The following OTOGL variants were observed in gnomAD, a reference collection of about 807,000 sequenced individuals.
OTOGL encodes the protein otogelin like.
A neutral mutation model predicts 318.5 loss-of-function variants in OTOGL; 285 were observed. The ratio of observed to expected loss-of-function variants is 0.89; its 90% CI spans 0.81 to 0.99. The LOEUF (loss-of-function observed/expected upper bound fraction) is 0.99, where lower values mean the gene tolerates loss of function less well. Among genes scored for constraint, OTOGL ranks in the 50% least tolerant of loss-of-function variants. OTOGL has a pLI of 0.00. For missense variants in OTOGL, 2,899 were observed against 2,845.6 expected (o/e 1.02, Z -0.43); for synonymous variants, 987 against 936.5 (o/e 1.05, Z -0.99).
rs545310835 is a variant in OTOGL, at chr12:80,307,561, G to A, written c.3333+1866G>A. ...CGGGACGGGGCAGCTGGCCGGGTGG[G>A]GGGCTGACCCCCCAACCTCCCTCCT... On this transcript the variant is annotated intron_variant, in intron 29 of 58. Transcript: ENST00000547103. 3.4e-5 allele frequency among the ~76,000 whole-genome samples: 5 copies of A among 146,076 alleles called. No homozygotes were observed. The South Asian group carries it at 1.1e-3, about 32-fold the overall frequency.
At chr12:80,330,428 T>C (rs947541627) in intron 37 of OTOGL, among the ~76,000 whole-genome samples, 1 of 152,206 alleles carries the variant, frequency 6.6e-6, no homozygotes, top group Non-Finnish European at 1.5e-5. Flanking sequence ...TAAAGCATGC[T>C]TTGGGAGAAG....
intron 1 of OTOGL, among the ~76,000 whole-genome samples, chr12:80,136,203 C>G (rs1012145483): frequency 6.6e-6 from 1 of 152,140 alleles, no homozygotes; most frequent in African/African-American, 2.4e-5. Flanking sequence ...TTCTTTCTCT[C>G]TTGGTCCCAC....
intron 46 of OTOGL, among the ~76,000 whole-genome samples, 177 bp downstream of exon 46, chr12:80,353,687 A>G (rs1412147449): frequency 3.3e-5 from 5 of 152,234 alleles, no homozygotes; most frequent in Non-Finnish European, 5.9e-5. Context: ...AATTGTTACA[A>G]AAGCTTCAGT....
rs1382306838 is a variant in OTOGL at position 80,196,853 on chromosome 12, CAA to C, written c.-19-12558_-19-12557del. 3.9e-5 allele frequency among the ~76,000 whole-genome samples: 6 copies of C among 152,246 alleles called. No individual in the cohort carries two copies. In the East Asian group the frequency reaches 9.7e-4, roughly 24 times the overall value. On this transcript the variant is annotated intron_variant, in intron 1 of 58. Transcript: ENST00000547103. ...TTTCCTCCTCTAGGCCAGGGCCTTCCAAATTTAACCTGAGACTGGTTAAGGCC... is the reference window on the plus strand; with the variant it reads ...TTTCCTCCTCTAGGCCAGGGCCTTCCATTTAACCTGAGACTGGTTAAGGCC...
chr12:80,335,142 T>A (rs1888311487), intron 38 of OTOGL, among the ~76,000 whole-genome samples: 1 of 152,142 alleles, frequency 6.6e-6, no homozygotes, highest in South Asian at 2.1e-4. Flanking sequence ...AGTTGTTAAT[T>A]TTTATTCTGA....
chr12:80,358,229 GCTT>G lies in OTOGL; in HGVS notation c.6020-15_6020-13del. On this transcript the variant is annotated splice_polypyrimidine_tract_variant and intron_variant, in intron 49 of 58. Coordinates refer to ENST00000547103, the MANE Select transcript of OTOGL (RefSeq NM_001378609.3). ...GTTTTTAGCTCAGCTGTGATTTTTGGCTTCTTGTTTTACCTTAGTTTGTGAATC... is the reference window on the plus strand; with the variant it reads ...GTTTTTAGCTCAGCTGTGATTTTTGGCTTGTTTTACCTTAGTTTGTGAATC... The G allele has an allele frequency of 1.3e-6, 2 of 1,546,308 alleles. No individual in the cohort carries two copies. Among genetic ancestry groups the G allele is most frequent in the East Asian group, 4.5e-5 (2 of 44,336 alleles).
At chr12:80,221,883 C>T (rs1169693196) in intron 6 of OTOGL, among the ~76,000 whole-genome samples, 2 of 152,110 alleles carry the variant, frequency 1.3e-5, no homozygotes, top group Non-Finnish European at 2.9e-5. Flanking sequence ...ATCTTTTCTT[C>T]ATAACTACTT....
intron 7 of OTOGL, among the ~76,000 whole-genome samples, chr12:80,226,861 A>G (rs1456735720): frequency 6.6e-6 from 1 of 152,182 alleles, no homozygotes; most frequent in African/African-American, 2.4e-5. Flanking sequence ...GAAAGTGTGC[A>G]TGGGAAGAGA....
intron 1 of OTOGL, among the ~76,000 whole-genome samples, chr12:80,193,655 T>C (rs921159165): frequency 1.3e-5 from 2 of 152,162 alleles, no homozygotes; most frequent in African/African-American, 4.8e-5. Flanking sequence ...GATTTAAAAG[T>C]TTTCCAAGTG....
At chr12:80,349,764 T>C (rs944776963) in intron 44 of OTOGL, among the ~76,000 whole-genome samples, 1 of 152,002 alleles carries the variant, frequency 6.6e-6, no homozygotes, top group Admixed American at 6.6e-5. Flanking sequence ...AGTCAAATCT[T>C]AGGGTTTTTT....
At chr12:80,292,451 C>T (rs562679768) in intron 26 of OTOGL, among the ~76,000 whole-genome samples, 3 of 152,328 alleles carry the variant, frequency 2.0e-5, no homozygotes, top group South Asian at 2.1e-4. Context: ...CATCTGCCCT[C>T]CAGTGAGAAT....
At chr12:80,287,113 T>A (rs1884692314) in intron 26 of OTOGL, among the ~76,000 whole-genome samples, 1 of 151,470 alleles carries the variant, frequency 6.6e-6, no homozygotes, top group Admixed American at 6.6e-5. Context: ...TTCTCACTGG[T>A]TTCAAAGAAC....
At chr12:80,294,510 A>C (rs1451090) in intron 26 of OTOGL, among the ~76,000 whole-genome samples, 4 of 152,200 alleles carry the variant, frequency 2.6e-5, no homozygotes, top group Admixed American at 6.5e-5. Flanking sequence ...TATGACATTA[A>C]TTTTTTGAGT....
chr12:80,151,926 A>G (rs565701281), intron 1 of OTOGL, among the ~76,000 whole-genome samples: 13 of 152,362 alleles, frequency 8.5e-5, no homozygotes, highest in African/African-American at 3.1e-4. Flanking sequence ...AGTTCACTTT[A>G]CAGGTATTAT....
intron 46 of OTOGL, among the ~76,000 whole-genome samples, chr12:80,353,748 T>C (rs1889706360): frequency 6.6e-6 from 1 of 152,156 alleles, no homozygotes; most frequent in African/African-American, 2.4e-5. Flanking sequence ...AGAAAAAGCA[T>C]GGGAAATCAA....
intron 1 of OTOGL, among the ~76,000 whole-genome samples, chr12:80,135,022 A>G (rs1423915661): frequency 6.6e-6 from 1 of 152,068 alleles, no homozygotes; most frequent in Non-Finnish European, 1.5e-5. Context: ...TCCCATGAAG[A>G]CATCACTTCT....
chr12:80,240,636 G>C (rs1172209577), intron 11 of OTOGL, among the ~76,000 whole-genome samples: 1 of 152,050 alleles, frequency 6.6e-6, no homozygotes, highest in Non-Finnish European at 1.5e-5. Context: ...CAAAGTCACT[G>C]ATATCACTAA....
At chr12:80,287,269 T>C (rs2137661495) in intron 26 of OTOGL, among the ~76,000 whole-genome samples, 1 of 151,862 alleles carries the variant, frequency 6.6e-6, no homozygotes, top group South Asian at 2.1e-4. Flanking sequence ...AGACTGTTTG[T>C]TATGAATTCC....
At chr12:80,143,209 C>G (rs992238694) in intron 1 of OTOGL, among the ~76,000 whole-genome samples, 1 of 152,130 alleles carries the variant, frequency 6.6e-6, no homozygotes, top group African/African-American at 2.4e-5. Flanking sequence ...TAGGGTGCTA[C>G]CCCATACCCC....
Sources: allele counts gnomAD v4.1 joint callset (sites outside exome capture counted in the v4.1 genomes callset), GRCh38; gene constraint gnomAD v4.1.1; transcripts MANE v1.5; gene names NCBI Gene and HGNC (gene_info 2026-07-23, HGNC 2026-07-21).